Variants in ANKRD27 observed in about 807,000 individuals in gnomAD.
ANKRD27 encodes the protein ankyrin repeat domain-containing protein 27.
In ANKRD27, 112 loss-of-function variants were observed where a neutral mutation model predicts 129.7. That is an observed-to-expected ratio of 0.86 (90% CI 0.74 to 1.01). ANKRD27 has a LOEUF of 1.01. Ranked by LOEUF, ANKRD27 falls within the 50% of genes least tolerant of loss-of-function variation. The pLI is 0.00. For synonymous variants in ANKRD27, 516 were observed against 511.2 expected, an observed-to-expected ratio of 1.01 and a Z score of -0.13; for missense variants, 1,258 against 1,300.5, an observed-to-expected ratio of 0.97 and a Z score of 0.50.
chr19:32,653,635 T>C (rs551210122), intron 2 of ANKRD27, among the ~76,000 whole-genome samples: 163 of 152,012 alleles, frequency 1.1e-3, no homozygotes, highest in African/African-American at 3.6e-3. Context: ...TCCAATCAGA[T>C]AGCAGAGGAG....
chr19:32,640,416 T>C (rs375400323), intron 10 of ANKRD27, 31 bp from the exon 11 acceptor site: 18 of 1,593,226 alleles, frequency 1.1e-5, no homozygotes, highest in Non-Finnish European at 1.5e-5. Flanking sequence ...TTCAATGCCA[T>C]CATGAGATTC....
Position 32,643,146 on chromosome 19 carries a change from A to T in ANKRD27, c.759T>A (p.Asp253Glu). The T allele has an allele frequency of 6.2e-7, 1 of 1,613,882 alleles. No homozygotes were observed. Among genetic ancestry groups the T allele is most frequent in the Non-Finnish European group, 8.5e-7 (1 of 1,180,008 alleles). The change falls in exon 9 of 29, where the codon GAT (aspartate) becomes GAA (glutamate). Residue 253 changes from aspartate (D) to glutamate (E), a missense_variant. Transcript: ENST00000306065. ...ACCTGAACTCCGGTTTCACACCAAT[A>T]TCTTTCTGCTGAAGATCTTGAAGGC... ...TRSLQDLQQK[D>E]IGVKPEFSFN...
chr19:32,650,184 C>T (rs259239), intron 2 of ANKRD27, among the ~76,000 whole-genome samples: 93,643 of 151,980 alleles, frequency 0.62, 29,316 homozygotes, highest in Non-Finnish European at 0.65. Flanking sequence ...CAGGGACAAG[C>T]CCAGATGAAG....
intron 22 of ANKRD27, 28 bp downstream of exon 22, chr19:32,615,630 A>G (rs1049765890): frequency 3.7e-6 from 6 of 1,613,902 alleles, no homozygotes; most frequent in Non-Finnish European, 5.1e-6. Context: ...ACATTCCCTG[A>G]CCTCCACCAA....
chr19:32,606,182 T>C (rs1372067098), intron 23 of ANKRD27, among the ~76,000 whole-genome samples: 7 of 143,196 alleles, frequency 4.9e-5, no homozygotes, highest in Admixed American at 2.2e-4. Flanking sequence ...AGACAGAGTC[T>C]CGCTCTGTCG....
intron 17 of ANKRD27, among the ~76,000 whole-genome samples, chr19:32,624,016 G>A (rs1972052641): frequency 6.6e-6 from 1 of 152,178 alleles, no homozygotes; most frequent in African/African-American, 2.4e-5. Context: ...ACTGAGCCCA[G>A]GGGTGGTCTT....
intron 20 of ANKRD27, among the ~76,000 whole-genome samples, chr19:32,618,030 T>TTG (rs1971948422): frequency 6.6e-6 from 1 of 152,094 alleles, no homozygotes; most frequent in African/African-American, 2.4e-5. Context: ...AGTGCTGGCA[T>TTG]TACAGGCGTG....
intron 22 of ANKRD27, among the ~76,000 whole-genome samples, chr19:32,614,565 C>T (rs182803955): frequency 5.5e-4 from 83 of 151,878 alleles, no homozygotes; most frequent in African/African-American, 1.8e-3. Context: ...ATTAGCTGGG[C>T]GTGGTGGTGG....
At chr19:32,599,537 T>C (rs1362482885) in intron 28 of ANKRD27, among the ~76,000 whole-genome samples, 167 bp downstream of exon 28, 1 of 152,252 alleles carries the variant, frequency 6.6e-6, no homozygotes, top group Middle Eastern at 3.2e-3. Context: ...CAGTGAAGTC[T>C]GTACTCTACA....
intron 22 of ANKRD27, among the ~76,000 whole-genome samples, chr19:32,610,202 C>T (rs1477817531): frequency 6.6e-6 from 1 of 152,044 alleles, no homozygotes; most frequent in Non-Finnish European, 1.5e-5. Flanking sequence ...CCCAGCTACT[C>T]AGGAAGCTGA....
chr19:32,634,048 T>C (rs1967046584), intron 12 of ANKRD27, among the ~76,000 whole-genome samples: 1 of 152,020 alleles, frequency 6.6e-6, no homozygotes, highest in African/African-American at 2.4e-5. Context: ...AATAAAAGCT[T>C]ATGGTCATCT....
At chr19:32,636,531 T>C (rs1967093046) in intron 12 of ANKRD27, 1 of 151,468 alleles carries the variant, frequency 6.6e-6, no homozygotes, top group Non-Finnish European at 1.5e-5. Context: ...TACAATTGTG[T>C]ATGCACAGAA....
chr19:32,637,204 C>G (rs137983982), intron 12 of ANKRD27: 1 of 152,274 alleles, frequency 6.6e-6, no homozygotes, highest in African/African-American at 2.4e-5. Flanking sequence ...TTTAGCTCAT[C>G]ATTATTTTGG....
At chr19:32,599,566 C>G (rs960141736) in intron 28 of ANKRD27, 138 bp downstream of exon 28, 4 of 706,948 alleles carry the variant, frequency 5.7e-6, no homozygotes, top group Non-Finnish European at 9.6e-6. Flanking sequence ...TGAAATAATT[C>G]CAGTTTTAAC....
rs778240022 is a variant in ANKRD27 at position 32,628,820 on chromosome 19, C to T, written c.1239G>A (p.Val413=). The change falls in exon 14 of 29, where the codon GTG becomes GTA. Residue 413 remains valine (V), a synonymous_variant. Coordinates refer to ENST00000306065, the MANE Select transcript of ANKRD27 (RefSeq NM_032139.3). The part of the protein sequence containing the change: ...KHIASGNQKE[V]ERLLSQEDHD... The stretch of plus-strand genomic sequence containing the variant: ...GGTCCTCTTGGCTCAGAAGTCTCTC[C>T]ACTTCTTTCTGGTTACCTGATGCAA... The T allele has an allele frequency of 1.9e-6, 3 of 1,614,152 alleles. No individual in the cohort carries two copies. The highest frequency in any genetic ancestry group is 2.2e-5 in the East Asian group (1 of 44,870).
chr19:32,639,946 C>T (rs2145297399), intron 11 of ANKRD27, among the ~76,000 whole-genome samples: 1 of 152,220 alleles, frequency 6.6e-6, no homozygotes, highest in Non-Finnish European at 1.5e-5. Flanking sequence ...TACATTAGAA[C>T]TACCACAGTG....
intron 12 of ANKRD27, among the ~76,000 whole-genome samples, chr19:32,631,882 G>A (rs1967000325): frequency 6.6e-6 from 1 of 152,236 alleles, no homozygotes; most frequent in African/African-American, 2.4e-5. Flanking sequence ...ATTCCCTGCT[G>A]TCTTATCTGA....
intron 22 of ANKRD27, among the ~76,000 whole-genome samples, chr19:32,615,322 C>T (rs1215546110): frequency 6.6e-6 from 1 of 152,146 alleles, no homozygotes; most frequent in Non-Finnish European, 1.5e-5. Context: ...CAGTGGCTCA[C>T]GTCTGTAATC....
At chr19:32,644,888 C>T (rs1451743210) in intron 4 of ANKRD27, among the ~76,000 whole-genome samples, 1 of 152,226 alleles carries the variant, frequency 6.6e-6, no homozygotes, top group Non-Finnish European at 1.5e-5. Flanking sequence ...GGGGCTACTG[C>T]TTTGCATAAC....
Sources: gnomAD v4.1 joint callset for allele counts (sites outside exome capture counted in the v4.1 genomes callset) on GRCh38, gnomAD v4.1.1 for gene constraint, MANE v1.5 for transcripts, NCBI Gene and HGNC (gene_info 2026-07-23, HGNC 2026-07-21) for gene names.